ULK4: variants seen among roughly 807,000 people sequenced by gnomAD.
ULK4 encodes the protein inactive serine/threonine-protein kinase ULK4.
Under a neutral mutation model 160.6 loss-of-function variants are expected in ULK4, and 133 were observed. The observed-to-expected ratio is 0.83, with a 90% confidence interval of 0.72 to 0.96. The LOEUF is 0.96. Ranked by LOEUF, ULK4 falls within the 40% of genes least tolerant of loss-of-function variation. The probability of loss-of-function intolerance (pLI) is 0.00; values close to 1 mark genes in which losing one functional copy is unlikely to be tolerated. For synonymous variants in ULK4, 534 were observed against 539.8 expected (o/e 0.99, Z 0.15); for missense variants, 1,580 against 1,499.5 (o/e 1.05, Z -0.89).
At chr3:41,926,353 T>A (rs1424742151) in intron 5 of ULK4, among the ~76,000 whole-genome samples, 2 of 151,846 alleles carry the variant, frequency 1.3e-5, no homozygotes, top group Admixed American at 6.6e-5. Flanking sequence ...GTCACCAACA[T>A]CAAACACCAA....
chr3:41,519,447 T>G (rs2085856461), intron 32 of ULK4, among the ~76,000 whole-genome samples: 1 of 152,324 alleles, frequency 6.6e-6, no homozygotes, highest in South Asian at 2.1e-4. Flanking sequence ...TTTCCAATAT[T>G]TATTTTTAAA....
At chr3:41,869,395 T>C (rs1187621421) in intron 17 of ULK4, among the ~76,000 whole-genome samples, 2 of 152,046 alleles carry the variant, frequency 1.3e-5, no homozygotes, top group African/African-American at 4.8e-5. Context: ...GCCAACATGA[T>C]GAAACCCCAT....
intron 32 of ULK4, among the ~76,000 whole-genome samples, chr3:41,525,731 T>C (rs1267297248): frequency 1.3e-5 from 2 of 152,260 alleles, no homozygotes; most frequent in Non-Finnish European, 2.9e-5. Context: ...TGTGCCCTTT[T>C]TATCTGCACA....
intron 14 of ULK4, among the ~76,000 whole-genome samples, chr3:41,897,897 C>A (rs1010129378): frequency 1.1e-4 from 17 of 152,098 alleles, no homozygotes; most frequent in Non-Finnish European, 1.9e-4. Flanking sequence ...AACGAAAAAA[C>A]CAATTTAAGG....
intron 32 of ULK4, among the ~76,000 whole-genome samples, chr3:41,556,518 C>T (rs1486713385): frequency 8.3e-6 from 1 of 120,076 alleles, no homozygotes; most frequent in African/African-American, 3.2e-5. Flanking sequence ...GACAGAGTCT[C>T]GCTCTGTCGC....
intron 29 of ULK4, among the ~76,000 whole-genome samples, chr3:41,677,233 A>T (rs991865382): frequency 6.6e-6 from 1 of 151,544 alleles, no homozygotes; most frequent in Non-Finnish European, 1.5e-5. Flanking sequence ...CTATCCAGTC[A>T]TACCCAGGTT....
At chr3:41,628,945 G>T (rs1408914018) in intron 30 of ULK4, among the ~76,000 whole-genome samples, 3 of 152,214 alleles carry the variant, frequency 2.0e-5, no homozygotes, top group Admixed American at 2.0e-4. Context: ...TCTTCTTCCT[G>T]TGAGTCTGGG....
intron 27 of ULK4, among the ~76,000 whole-genome samples, chr3:41,696,163 G>A (rs2125814819): frequency 6.6e-6 from 1 of 152,236 alleles, no homozygotes; most frequent in Admixed American, 6.5e-5. Context: ...TCTTGTGGAA[G>A]GCCTGACATG....
intron 18 of ULK4, among the ~76,000 whole-genome samples, chr3:41,821,210 A>G (rs1234656318): frequency 1.3e-5 from 2 of 152,202 alleles, no homozygotes; most frequent in Non-Finnish European, 2.9e-5. Flanking sequence ...TCAACCTCTG[A>G]GAAAGCCAGC....
intron 32 of ULK4, among the ~76,000 whole-genome samples, chr3:41,530,530 T>C (rs886924141): frequency 1.3e-5 from 2 of 151,952 alleles, no homozygotes; most frequent in Non-Finnish European, 1.5e-5. Flanking sequence ...TATTGGTCCA[T>C]TGGAGCTACC....
At chr3:41,387,877 G>C (rs1346119658) in intron 35 of ULK4, among the ~76,000 whole-genome samples, 1 of 152,140 alleles carries the variant, frequency 6.6e-6, no homozygotes, top group Non-Finnish European at 1.5e-5. Flanking sequence ...ATAATCCTTT[G>C]AGTATATACC....
chr3:41,379,932 C>A (rs143597457), intron 35 of ULK4, among the ~76,000 whole-genome samples: 7 of 152,094 alleles, frequency 4.6e-5, no homozygotes, highest in African/African-American at 7.2e-5. Context: ...CCCAGGAAGT[C>A]TGATTGATTA....
intron 18 of ULK4, among the ~76,000 whole-genome samples, chr3:41,822,778 G>C (rs1293246105): frequency 1.4e-5 from 2 of 140,486 alleles, no homozygotes; most frequent in African/African-American, 5.5e-5. Flanking sequence ...CTGGAGTGCA[G>C]TGGCAACATC....
chr3:41,268,133 CA>C (rs1353233597), intron 35 of ULK4, among the ~76,000 whole-genome samples: 12 of 152,300 alleles, frequency 7.9e-5, no homozygotes, highest in African/African-American at 2.2e-4. Flanking sequence ...TGCTGCTATA[CA>C]CTCCATATTG....
rs565380763 is a variant in ULK4, at chr3:41,486,973, G to A, written c.3227-23720C>T. On this transcript the variant is annotated intron_variant, in intron 32 of 36. Coordinates refer to ENST00000301831, the MANE Select transcript of ULK4 (RefSeq NM_017886.4). The stretch of plus-strand genomic sequence containing the variant: ...AAGCTGACAATACCCGAAACAAATC[G>A]TTAAAATTATCATCAATTATAGATA... Among the ~76,000 whole-genome samples the A allele has an allele frequency of 5.3e-5, 8 of 152,174 alleles. No individual in the cohort carries two copies. The South Asian group carries it at 1.5e-3, about 28-fold the overall frequency.
At chr3:41,607,177 A>G (rs940464665) in intron 31 of ULK4, among the ~76,000 whole-genome samples, 1 of 152,130 alleles carries the variant, frequency 6.6e-6, no homozygotes, top group African/African-American at 2.4e-5. Flanking sequence ...GATTAAATCA[A>G]TAAACACTGT....
chr3:41,369,569 G>C (rs376456783), intron 35 of ULK4, among the ~76,000 whole-genome samples: 2 of 151,690 alleles, frequency 1.3e-5, no homozygotes, highest in South Asian at 4.1e-4. Flanking sequence ...AAGGTGGGTG[G>C]ATCACCTGAG....
At chr3:41,910,040 A>C (rs759715155) in intron 11 of ULK4, among the ~76,000 whole-genome samples, 5 of 151,920 alleles carry the variant, frequency 3.3e-5, no homozygotes, top group Non-Finnish European at 7.4e-5. Flanking sequence ...GGGATTACAG[A>C]CACCCACCAG....
chr3:41,891,767 T>C (rs1465815682), intron 16 of ULK4, among the ~76,000 whole-genome samples: 1 of 152,108 alleles, frequency 6.6e-6, no homozygotes, highest in Non-Finnish European at 1.5e-5. Context: ...TAGCCGGGCA[T>C]GATGGCAGGT....
Sources: gnomAD v4.1 joint callset for allele counts (sites outside exome capture counted in the v4.1 genomes callset) on GRCh38, gnomAD v4.1.1 for gene constraint, MANE v1.5 for transcripts, NCBI Gene and HGNC (gene_info 2026-07-23, HGNC 2026-07-21) for gene names.